CTNNA3: variants seen among roughly 807,000 people sequenced by gnomAD.
CTNNA3 encodes the protein catenin alpha-3.
Under a neutral mutation model 95.7 loss-of-function variants are expected in CTNNA3, and 76 were observed. The observed-to-expected ratio is 0.79, with a 90% confidence interval of 0.66 to 0.96. The LOEUF (loss-of-function observed/expected upper bound fraction) is 0.96. CTNNA3 is among the 40% of genes least tolerant of loss of function. CTNNA3 has a pLI of 0.00. For synonymous variants in CTNNA3, 431 were observed against 374.4 expected (o/e 1.15, Z -1.74); for missense variants, 1,191 against 1,089.8 (o/e 1.09, Z -1.31).
At chr10:66,618,648 G>T (rs1844622116) in intron 10 of CTNNA3, among the ~76,000 whole-genome samples, 1 of 152,100 alleles carries the variant, frequency 6.6e-6, no homozygotes, top group Non-Finnish European at 1.5e-5. Flanking sequence ...ACATAGGCAT[G>T]GGCAAGGACT....
intron 16 of CTNNA3, 80 bp downstream of exon 16, chr10:65,988,612 T>G: frequency 8.8e-7 from 1 of 1,134,684 alleles, no homozygotes; most frequent in Non-Finnish European, 1.3e-6. Context: ...AGTAAAAATT[T>G]AACTTTGCCT....
chr10:66,877,579 T>C (rs1294251564), intron 7 of CTNNA3, among the ~76,000 whole-genome samples: 1 of 152,126 alleles, frequency 6.6e-6, no homozygotes, highest in Non-Finnish European at 1.5e-5. Flanking sequence ...TCACCATTTA[T>C]CTGTGAGATG....
At chr10:66,182,007 G>T (rs2086064126) in intron 13 of CTNNA3, among the ~76,000 whole-genome samples, 1 of 152,100 alleles carries the variant, frequency 6.6e-6, no homozygotes, top group Non-Finnish European at 1.5e-5. Flanking sequence ...TGCTAATGTT[G>T]TGTAAAAATG....
intron 12 of CTNNA3, among the ~76,000 whole-genome samples, chr10:66,321,332 C>T (rs1463642405): frequency 6.6e-6 from 1 of 151,934 alleles, no homozygotes; most frequent in African/African-American, 2.4e-5. Flanking sequence ...CCGAAAGAAA[C>T]ATAAAAACTA....
At chr10:66,886,573 C>T (rs1231890212) in intron 7 of CTNNA3, among the ~76,000 whole-genome samples, 2 of 152,192 alleles carry the variant, frequency 1.3e-5, no homozygotes, top group Non-Finnish European at 2.9e-5. Flanking sequence ...TTTCCATCGA[C>T]ATGTTATGAA....
chr10:67,489,815 AGGTG>A (rs1848585729), intron 5 of CTNNA3, among the ~76,000 whole-genome samples: 1 of 145,954 alleles, frequency 6.9e-6, no homozygotes, highest in African/African-American at 2.7e-5. Context: ...TACACACATT[AGGTG>A]TGTGTATATA....
rs587782935 is a variant in CTNNA3 at position 65,920,446 on chromosome 10, AG to A, written c.2571del (p.Leu858Ter). Reference protein sequence around the residue: ...MWRMKAPAKKPLIKREKPEET... With the variant: ...MWRMKAPAKKXLIKREKPEET... ...TCCTCTGGCTTCTCTCTTTTAATCAAGGGTTTTTTTGCAGGAGCCTTCATTC... is the reference window on the plus strand; with the variant it reads ...TCCTCTGGCTTCTCTCTTTTAATCAAGGTTTTTTTGCAGGAGCCTTCATTC... On this transcript the variant is annotated frameshift_variant, in exon 18 of 18. Coordinates refer to ENST00000433211, the MANE Select transcript of CTNNA3 (RefSeq NM_013266.4). LOFTEE classifies it high-confidence loss of function. 6.2e-7 allele frequency: 1 copy of A among 1,614,006 alleles called. No homozygotes were observed.
intron 15 of CTNNA3, among the ~76,000 whole-genome samples, chr10:65,990,166 T>C (rs2078512928): frequency 6.6e-6 from 1 of 151,886 alleles, no homozygotes; most frequent in Non-Finnish European, 1.5e-5. Flanking sequence ...TCTTTGCTAT[T>C]GTGAATAATA....
Position 66,501,512 on chromosome 10 carries a change from T to G in CTNNA3, c.1531+19105A>C, listed in dbSNP as rs183384147. 1.0e-3 allele frequency among the ~76,000 whole-genome samples: 155 copies of G among 152,246 alleles called. 2 individuals carry two copies. Among genetic ancestry groups the G allele is most frequent in the South Asian group, 5.2e-3 (25 of 4,824 alleles). ...TTTATCCACCATTTCATCTCTAGAG[T>G]GAATAGTAATTGCTCAATAAGTATT... On this transcript the variant is annotated intron_variant, in intron 11 of 17. Coordinates refer to ENST00000433211, the MANE Select transcript of CTNNA3 (RefSeq NM_013266.4).
intron 5 of CTNNA3, among the ~76,000 whole-genome samples, chr10:67,422,773 A>G (rs1845791607): frequency 6.6e-6 from 1 of 152,090 alleles, no homozygotes; most frequent in Non-Finnish European, 1.5e-5. Context: ...CCTCCCAGCC[A>G]TGCTTCCTGT....
At chr10:67,359,568 T>G (rs1330388260) in intron 5 of CTNNA3, among the ~76,000 whole-genome samples, 1 of 152,164 alleles carries the variant, frequency 6.6e-6, no homozygotes, top group African/African-American at 2.4e-5. Context: ...AAAATTTTAC[T>G]GCAGAAATTT....
At chr10:65,931,194 G>T (rs941861851) in intron 17 of CTNNA3, among the ~76,000 whole-genome samples, 2 of 152,148 alleles carry the variant, frequency 1.3e-5, no homozygotes, top group African/African-American at 4.8e-5. Flanking sequence ...ATACTGAAAA[G>T]ATGACTAGCT....
chr10:67,027,313 C>T (rs1316734252), intron 7 of CTNNA3, among the ~76,000 whole-genome samples: 3 of 152,130 alleles, frequency 2.0e-5, no homozygotes, highest in Non-Finnish European at 2.9e-5. Context: ...GAAAGTTTTA[C>T]ATCTGACATT....
rs569155425 is a variant in CTNNA3, at chr10:65,948,296, A to AG, written c.2400+18315_2400+18316insC. ...ACTCCATCTCAAAAAAAAAAAAAAAAAAAGAAAGAAAGAAATACCACGTAA... is the reference window on the plus strand; with the variant it reads ...ACTCCATCTCAAAAAAAAAAAAAAAAGAAAGAAAGAAAGAAATACCACGTAA... On this transcript the variant is annotated intron_variant, in intron 17 of 17. Transcript: ENST00000433211. Among the ~76,000 whole-genome samples, 57 of 141,272 alleles carry AG rather than the reference A, an allele frequency of 4.0e-4. 1 individual carries two copies. Among genetic ancestry groups the AG allele is most frequent in the South Asian group, 7.0e-4 (3 of 4,284 alleles). 92.7% of individuals were successfully genotyped at this position (141,272 alleles called of 152,430 possible).
At chr10:66,804,814 G>A (rs1274330741) in intron 7 of CTNNA3, among the ~76,000 whole-genome samples, 1 of 152,050 alleles carries the variant, frequency 6.6e-6, no homozygotes, top group African/African-American at 2.4e-5. Flanking sequence ...AACATAGCAG[G>A]AGTGAGGCTC....
At position 67,663,574 on chromosome 10, in the gene CTNNA3, G is replaced by C. The variant is rs536677693; in HGVS notation, c.-5-16056C>G. Among the ~76,000 whole-genome samples the C allele has an allele frequency of 3.9e-4, 60 of 152,012 alleles. 1 individual carries two copies. Among genetic ancestry groups the C allele is most frequent in the African/African-American group, 1.4e-3 (57 of 41,444 alleles). On this transcript the variant is annotated intron_variant, in intron 1 of 17. Coordinates refer to ENST00000433211, the MANE Select transcript of CTNNA3 (RefSeq NM_013266.4). ...CAGCCGCAGGAGGGGCAGGCTGGGA[G>C]GGGCTGCCGCAGCTGTTGACTTGGG... is the stretch of plus-strand genomic sequence containing the variant.
chr10:66,749,236 AAAG>A (rs1373314794), intron 9 of CTNNA3, among the ~76,000 whole-genome samples: 1,575 of 139,728 alleles, frequency 0.011, 30 homozygotes, highest in African/African-American at 0.046. Context: ...AAAGAAAAGG[AAAG>A]AAAGAAAGAA....
intron 9 of CTNNA3, among the ~76,000 whole-genome samples, chr10:66,678,772 A>C (rs959778260): frequency 5.3e-5 from 8 of 151,998 alleles, no homozygotes; most frequent in Non-Finnish European, 1.0e-4. Flanking sequence ...CAAAGAGTCG[A>C]CTCCTCTTTC....
chr10:67,100,891 T>C (rs1858298365), intron 7 of CTNNA3, among the ~76,000 whole-genome samples: 1 of 151,770 alleles, frequency 6.6e-6, no homozygotes, highest in Admixed American at 6.6e-5. Context: ...GTCTTTCCAC[T>C]GTACTAAAAG....
Sources: gnomAD v4.1 joint callset for allele counts (sites outside exome capture counted in the v4.1 genomes callset) on GRCh38, gnomAD v4.1.1 for gene constraint, MANE v1.5 for transcripts, NCBI Gene and HGNC (gene_info 2026-07-23, HGNC 2026-07-21) for gene names.